KLHL1: variants seen among roughly 807,000 people sequenced by gnomAD.
KLHL1 encodes the protein kelch like family member 1, also known as kelch-like protein 1.
KLHL1 carries 47 observed loss-of-function variants against 77.7 expected under a neutral mutation model. That is an observed-to-expected ratio of 0.60 (90% CI 0.48 to 0.77). The LOEUF is 0.77. Ranked by LOEUF, KLHL1 falls within the 30% of genes least tolerant of loss-of-function variation. The probability of loss-of-function intolerance (pLI) is 0.00; values close to 1 mark genes in which losing one functional copy is unlikely to be tolerated. For synonymous variants in KLHL1, 360 were observed against 325.2 expected, an observed-to-expected ratio of 1.11 and a Z score of -1.15; for missense variants, 925 against 910.8, an observed-to-expected ratio of 1.02 and a Z score of -0.20.
chr13:70,029,322 C>A (rs1347435549), intron 1 of KLHL1, among the ~76,000 whole-genome samples: 3 of 152,142 alleles, frequency 2.0e-5, no homozygotes, highest in African/African-American at 7.2e-5. Context: ...AGGCTGGTCA[C>A]TGTAGAATAT....
rs771918362 is a variant in KLHL1 at position 69,719,479 on chromosome 13, C to T, written c.1905G>A (p.Lys635=). 6.2e-7 allele frequency: 1 copy of T among 1,613,564 alleles called. No homozygotes were observed. Among genetic ancestry groups the T allele is most frequent in the East Asian group, 2.2e-5 (1 of 44,844 alleles). Residue 635 remains lysine, a synonymous_variant, in exon 9 of 11, where the codon AAG becomes AAA. Transcript: ENST00000377844. ...NKWNMCAPMC[K]RRGGVGVATC... is the part of the protein sequence containing the mutation. The stretch of plus-strand genomic sequence containing the variant: ...TGGCCACTCCGACACCCCCTCTCCT[C>T]TTACACATGGGAGCACACATGTTCC...
At chr13:69,754,689 G>A (rs962063823) in intron 7 of KLHL1, among the ~76,000 whole-genome samples, 3 of 152,048 alleles carry the variant, frequency 2.0e-5, no homozygotes, top group African/African-American at 7.2e-5. Context: ...ATGCCATCAG[G>A]CACCTTCCTG....
intron 1 of KLHL1, among the ~76,000 whole-genome samples, chr13:70,088,212 A>AAACAAC (rs769282955): frequency 6.6e-6 from 1 of 152,120 alleles, no homozygotes; most frequent in East Asian, 1.9e-4. Flanking sequence ...TTGTATTATA[A>AAACAAC]AACAACAACA....
chr13:70,057,268 TAA>T (rs1205552553), intron 1 of KLHL1, among the ~76,000 whole-genome samples: 1 of 151,956 alleles, frequency 6.6e-6, no homozygotes, highest in Admixed American at 6.6e-5. Context: ...CATTAACAAG[TAA>T]TGAGATTGGG....
At chr13:69,802,957 T>C (rs1349139342) in intron 6 of KLHL1, 4 of 152,202 alleles carry the variant, frequency 2.6e-5, no homozygotes, top group Admixed American at 6.5e-5. Flanking sequence ...CTGAGTGCCA[T>C]TGCATTTACA....
intron 7 of KLHL1, among the ~76,000 whole-genome samples, chr13:69,780,705 T>TATATATATATATATATAC (rs1876110483): frequency 7.5e-5 from 3 of 39,884 alleles, no homozygotes; most frequent in South Asian, 7.2e-4. Context: ...TATATATGTA[T>TATATATATATATATATAC]ATATATATAT....
intron 1 of KLHL1, among the ~76,000 whole-genome samples, chr13:69,995,223 G>C (rs148137110): frequency 1.3e-5 from 2 of 152,114 alleles, no homozygotes; most frequent in Admixed American, 1.3e-4. Context: ...TTTACTATCT[G>C]GTATTTTACC....
chr13:69,766,606 G>A (rs1875316555), intron 7 of KLHL1, among the ~76,000 whole-genome samples: 1 of 152,016 alleles, frequency 6.6e-6, no homozygotes, highest in African/African-American at 2.4e-5. Flanking sequence ...AAGGCAGTAT[G>A]TATAAATATC....
At chr13:69,872,216 T>C (rs1001417074) in intron 5 of KLHL1, among the ~76,000 whole-genome samples, 13 of 152,194 alleles carry the variant, frequency 8.5e-5, no homozygotes, top group African/African-American at 3.1e-4. Context: ...ATAGATCACA[T>C]GGTAAGAGAG....
intron 6 of KLHL1, among the ~76,000 whole-genome samples, chr13:69,807,439 T>A (rs1877663322): frequency 6.6e-6 from 1 of 152,010 alleles, no homozygotes; most frequent in African/African-American, 2.4e-5. Flanking sequence ...CTTTTCTCCC[T>A]TCTCTGTTGC....
chr13:69,741,987 T>G (rs1874007613), intron 7 of KLHL1, among the ~76,000 whole-genome samples: 1 of 152,160 alleles, frequency 6.6e-6, no homozygotes, highest in Non-Finnish European at 1.5e-5. Flanking sequence ...CACAGATCGC[T>G]TATGATCCAC....
rs548736067 is a variant in KLHL1, at chr13:69,788,617, A to T, written c.1639+8121T>A. On this transcript the variant is annotated intron_variant, in intron 7 of 10. Transcript: ENST00000377844. ...CATGGCACATGTATGCATATGTAAC[A>T]AACCTGCACATTGTGTACATGTACC... is the stretch of plus-strand genomic sequence containing the variant. Among the ~76,000 whole-genome samples the T allele has an allele frequency of 2.0e-5, 3 of 152,282 alleles. No individual in the cohort carries two copies. The East Asian group carries it at 5.8e-4, about 29-fold the overall frequency.
chr13:69,765,370 C>T (rs138772046), intron 7 of KLHL1, among the ~76,000 whole-genome samples: 289 of 152,154 alleles, frequency 1.9e-3, no homozygotes, highest in Non-Finnish European at 2.9e-3. Context: ...TAATAGATAT[C>T]TTATACAAAA....
intron 7 of KLHL1, among the ~76,000 whole-genome samples, chr13:69,751,106 GTGTGTA>G (rs994465423): frequency 1.5e-5 from 2 of 133,064 alleles, no homozygotes; most frequent in African/African-American, 5.8e-5. Flanking sequence ...TTCATGTCAT[GTGTGTA>G]TGTGTGTGTG....
At chr13:69,896,635 T>C (rs1174379694) in intron 4 of KLHL1, among the ~76,000 whole-genome samples, 2 of 151,852 alleles carry the variant, frequency 1.3e-5, no homozygotes, top group Non-Finnish European at 1.5e-5. Flanking sequence ...AATAGAAAGA[T>C]GAAAAAGGGA....
At chr13:69,854,490 G>T (rs147223049) in intron 5 of KLHL1, among the ~76,000 whole-genome samples, 1 of 152,056 alleles carries the variant, frequency 6.6e-6, no homozygotes, top group African/African-American at 2.4e-5. Flanking sequence ...ATCCCACATT[G>T]GTTACCATGA....
chr13:69,992,171 T>C (rs1281715341), intron 1 of KLHL1, among the ~76,000 whole-genome samples: 1 of 152,046 alleles, frequency 6.6e-6, no homozygotes, highest in Non-Finnish European at 1.5e-5. Flanking sequence ...TTTAAATTTA[T>C]GTTATTTTAT....
At chr13:69,796,400 G>T (rs968175764) in intron 7 of KLHL1, among the ~76,000 whole-genome samples, 8 of 152,078 alleles carry the variant, frequency 5.3e-5, no homozygotes, top group Admixed American at 2.0e-4. Flanking sequence ...TGGTAATGAG[G>T]TCTTGTTCTA....
Position 70,034,114 on chromosome 13 carries a change from C to A in KLHL1, c.498-58312G>T, listed in dbSNP as rs1007743409. Among the ~76,000 whole-genome samples the A allele has an allele frequency of 2.0e-5, 3 of 152,112 alleles. No homozygotes were observed. In the South Asian group the frequency reaches 6.2e-4, roughly 32 times the overall value. On this transcript the variant is annotated intron_variant, in intron 1 of 10. Coordinates refer to ENST00000377844, the MANE Select transcript of KLHL1 (RefSeq NM_020866.3). ...CCTCAAGTGCAGCACTGAAATGCAGCCAAGTTTGCAAAAACTTTCCGGAAC... is the reference window on the plus strand; with the variant it reads ...CCTCAAGTGCAGCACTGAAATGCAGACAAGTTTGCAAAAACTTTCCGGAAC...
Sources: gnomAD v4.1 joint callset for allele counts (sites outside exome capture counted in the v4.1 genomes callset) on GRCh38, gnomAD v4.1.1 for gene constraint, MANE v1.5 for transcripts, NCBI Gene and HGNC (gene_info 2026-07-23, HGNC 2026-07-21) for gene names.